PTH1R: variants seen among roughly 807,000 people sequenced by gnomAD.
PTH1R encodes parathyroid hormone 1 receptor.
A neutral mutation model predicts 70.7 loss-of-function variants in PTH1R; 32 were observed. The ratio of observed to expected loss-of-function variants is 0.45; its 90% CI spans 0.34 to 0.61. PTH1R has a LOEUF of 0.61. PTH1R is among the 20% of genes least tolerant of loss of function. PTH1R has a pLI of 0.01. For missense variants in PTH1R, 626 were observed against 792.5 expected (o/e 0.79, Z 2.52); for synonymous variants, 329 against 324.8 (o/e 1.01, Z -0.14).
chr3:46,887,007 G>T (rs568784805), intron 3 of PTH1R, among the ~76,000 whole-genome samples: 1 of 152,042 alleles, frequency 6.6e-6, no homozygotes, highest in Admixed American at 6.5e-5. Context: ...ACTTTGGGAG[G>T]CCGGGCAGAT....
chr3:46,888,917 A>T (rs2031213723), intron 3 of PTH1R, among the ~76,000 whole-genome samples: 1 of 148,410 alleles, frequency 6.7e-6, no homozygotes, highest in Non-Finnish European at 1.5e-5. Context: ...AGCCCCTCCC[A>T]GCCCCAAACA....
Position 46,903,336 on chromosome 3 carries a change from C to A in PTH1R, c.1462C>A (p.Arg488Ser). The A allele has an allele frequency of 6.2e-7, 1 of 1,613,718 alleles. No homozygotes were observed. Among genetic ancestry groups the A allele is most frequent in the Non-Finnish European group, 8.5e-7 (1 of 1,180,022 alleles). Residue 488 changes from arginine (R) to serine (S), a missense_variant, in exon 16 of 16, where the codon CGC becomes AGC. Around this residue, in one of 3 missense-constraint regions of PTH1R, gnomAD observed 495 missense variants for 638.7 expected, o/e 0.77. Transcript: ENST00000449590. The surrounding 1 kb of genome is among the most constrained non-coding windows in gnomAD (Gnocchi z 4.4). Reference sequence around the variant, plus strand: ...GGCACTGGACTTCAAGCGAAAGGCACGCAGCGGGAGCAGCAGCTATAGCTA... The same window carrying A: ...GGCACTGGACTTCAAGCGAAAGGCAAGCAGCGGGAGCAGCAGCTATAGCTA... Reference protein sequence around the residue: ...TLALDFKRKARSGSSSYSYGP... With the variant: ...TLALDFKRKASSGSSSYSYGP...
intron 4 of PTH1R, among the ~76,000 whole-genome samples, chr3:46,895,093 A>AAAC: frequency 2.4e-5 from 1 of 42,088 alleles, no homozygotes; most frequent in African/African-American, 4.7e-5. Flanking sequence ...ACAAACAAAC[A>AAAC]AAAAAAAAAA....
Position 46,903,265 on chromosome 3 carries a change from C to T in PTH1R, c.1396-5C>T. On this transcript the variant is annotated splice_polypyrimidine_tract_variant and splice_region_variant and intron_variant, in intron 15 of 15. Transcript: ENST00000449590. This position sits in a 1 kb window ranked among gnomAD's most constrained non-coding sequence, Gnocchi z 4.4. ...ACCTGACTGCCGCACCCTTACTGCC[C>T]CAAGGTACAAGCTGAGATCAAGAAA... 6.2e-7 allele frequency: 1 copy of T among 1,612,514 alleles called. No individual in the cohort carries two copies.
rs2030809966 is a variant in PTH1R, at chr3:46,883,607, C to T, written c.48C>T (p.Cys16=). The T allele has an allele frequency of 1.3e-6, 2 of 1,543,830 alleles. No homozygotes were observed. The highest frequency in any genetic ancestry group is 1.4e-5 in the African/African-American group (1 of 73,044). Residue 16 remains cysteine (C), a synonymous_variant, in exon 3 of 16, where the codon TGC becomes TGT. Transcript: ENST00000449590. This position sits in a 1 kb window ranked among gnomAD's most constrained non-coding sequence, Gnocchi z 6.4. ...IAPGLALLLC[C]PVLSSAYALV... is the part of the protein sequence containing the mutation. Reference sequence around the variant, plus strand: ...CCGGCCTGGCGCTCCTGCTCTGCTGCCCCGTGCTCAGCTCCGCGTACGCGC... The same window carrying T: ...CCGGCCTGGCGCTCCTGCTCTGCTGTCCCGTGCTCAGCTCCGCGTACGCGC...
Position 46,893,975 on chromosome 3 carries a change from C to G in PTH1R, c.144C>G (p.Cys48Trp), listed in dbSNP as rs568635759. The change falls in exon 4 of 16, where the codon TGC becomes TGG. Residue 48 changes from cysteine (C) to tryptophan (W), a missense_variant. By Grantham distance (215) the Cys-to-Trp change is radical. Around this residue, in one of 3 missense-constraint regions of PTH1R, gnomAD observed 123 missense variants for 125.7 expected, o/e 0.98. Transcript: ENST00000449590. The surrounding 1 kb of genome is among the most constrained non-coding windows in gnomAD (Gnocchi z 5.2). ...TGCTGCACCGTGCTCAGGCCCAGTG[C>G]GAAAAACGGCTCAAGGAGGTCCTGC... The part of the protein sequence containing the change: ...IFLLHRAQAQ[C>W]EKRLKEVLQR... The G allele has an allele frequency of 1.2e-6, 2 of 1,614,026 alleles. No homozygotes were observed. Among genetic ancestry groups the G allele is most frequent in the Non-Finnish European group, 1.7e-6 (2 of 1,179,998 alleles).
chr3:46,897,538 C>A (rs1024190189), intron 5 of PTH1R, among the ~76,000 whole-genome samples: 3 of 152,072 alleles, frequency 2.0e-5, no homozygotes, highest in Admixed American at 6.5e-5. Flanking sequence ...TTGAGACCAG[C>A]CTGACCAACA....
rs2031851691 is a variant in PTH1R, at chr3:46,897,960, A to T, written c.419A>T (p.His140Leu). 6.2e-7 allele frequency: 1 copy of T among 1,614,002 alleles called. No homozygotes were observed. Among genetic ancestry groups the T allele is most frequent in the Non-Finnish European group, 8.5e-7 (1 of 1,179,972 alleles). The change falls in exon 6 of 16, where the codon CAC becomes CTC. Residue 140 changes from histidine (H) to leucine (L), a missense_variant. Physicochemically the swap from His to Leu is moderately conservative, Grantham distance 99. Transcript: ENST00000449590. ...CCGGACTACATTTATGACTTCAATC[A>T]CAAAGGTGAGGCCTGCTGGAAGGGG... ...PCPDYIYDFN[H>L]KGHAYRRCDR...
chr3:46,890,008 C>T (rs1297599688), intron 3 of PTH1R, among the ~76,000 whole-genome samples: 4 of 152,128 alleles, frequency 2.6e-5, no homozygotes, highest in African/African-American at 9.7e-5. Context: ...CAGCATTTCC[C>T]CTTCATCCCC....
In PTH1R at chr3:46,902,935, C is replaced by T. The variant is rs540804468; in HGVS notation, c.1395+145C>T. 62 of 1,261,686 alleles carry T rather than the reference C, an allele frequency of 4.9e-5. No homozygotes were observed. The highest frequency in any genetic ancestry group is 3.0e-4 in the Admixed American group (17 of 56,136). The allele number at this position is 1,261,686 out of a possible 1,614,324, so 78.2% of individuals were successfully genotyped here. A position where few individuals can be genotyped will look rare whatever the true frequency, so the allele number is the denominator to read the frequency against. Reference sequence around the variant, plus strand: ...GAGGACATTCTGAAAGCAGAGAAGTCTTTCCAGATGATGCAGGTTCAGGAT... The same window carrying T: ...GAGGACATTCTGAAAGCAGAGAAGTTTTTCCAGATGATGCAGGTTCAGGAT... On this transcript the variant is annotated intron_variant, in intron 15 of 15. Coordinates refer to ENST00000449590, the MANE Select transcript of PTH1R (RefSeq NM_000316.3). The surrounding 1 kb of genome is among the most constrained non-coding windows in gnomAD (Gnocchi z 5.4).
rs920998440 is a variant in PTH1R at position 46,896,650 on chromosome 3, G to C, written c.313+781G>C. On this transcript the variant is annotated intron_variant, in intron 5 of 15. Coordinates refer to ENST00000449590, the MANE Select transcript of PTH1R (RefSeq NM_000316.3). This position sits in a 1 kb window ranked among gnomAD's most constrained non-coding sequence, Gnocchi z 4.1. ...AGAGAGCCTTTCACCAAGCCAGGGCGGGTCCAGCCATCAAGGCAGCCTTCC... is the reference window on the plus strand; with the variant it reads ...AGAGAGCCTTTCACCAAGCCAGGGCCGGTCCAGCCATCAAGGCAGCCTTCC... Among the ~76,000 whole-genome samples, 1 of 152,192 alleles carries C rather than the reference G, an allele frequency of 6.6e-6. No individual in the cohort carries two copies. The highest frequency in any genetic ancestry group is 1.5e-5 in the Non-Finnish European group (1 of 68,040).
chr3:46,886,351 A>G (rs2031019995), intron 3 of PTH1R, among the ~76,000 whole-genome samples: 1 of 152,046 alleles, frequency 6.6e-6, no homozygotes, highest in Non-Finnish European at 1.5e-5. Flanking sequence ...CAGCTTGGCC[A>G]TGTTGCTTGC....
chr3:46,901,095 G>T lies in PTH1R; in HGVS notation c.1049+10G>T. The T allele has an allele frequency of 6.4e-7, 1 of 1,571,260 alleles. No homozygotes were observed. The highest frequency in any genetic ancestry group is 8.6e-7 in the Non-Finnish European group (1 of 1,156,730). On this transcript the variant is annotated intron_variant, in intron 11 of 15. Coordinates refer to ENST00000449590, the MANE Select transcript of PTH1R (RefSeq NM_000316.3). This position sits in a 1 kb window ranked among gnomAD's most constrained non-coding sequence, Gnocchi z 7.3. ...CCCTGGCCAACACCGGGTAGGTCCA[G>T]GTGGAGAAGGGGCCCAGGCAAGAAG...
intron 1 of PTH1R, among the ~76,000 whole-genome samples, chr3:46,878,282 C>A (rs188397077): frequency 6.6e-6 from 1 of 152,224 alleles, no homozygotes; most frequent in Non-Finnish European, 1.5e-5. Context: ...AGTGGCACCT[C>A]GCTTCACTTA....
Position 46,894,792 on chromosome 3 carries a change from A to G in PTH1R, c.178+783A>G, listed in dbSNP as rs3792556. On this transcript the variant is annotated intron_variant, in intron 4 of 15. Coordinates refer to ENST00000449590, the MANE Select transcript of PTH1R (RefSeq NM_000316.3). ...CGACATGTAAGGACCAGGGGGGCCTAGCTTGGGCGGTGGCTGAAGGAATAC... is the reference window on the plus strand; with the variant it reads ...CGACATGTAAGGACCAGGGGGGCCTGGCTTGGGCGGTGGCTGAAGGAATAC... 3.0e-3 allele frequency among the ~76,000 whole-genome samples: 456 copies of G among 152,234 alleles called. 21 individuals carry two copies. The East Asian group carries it at 0.078, about 26-fold the overall frequency.
rs1390356156 is a variant in PTH1R, at chr3:46,891,115, A to G, written c.76-2792A>G. 6.6e-6 allele frequency among the ~76,000 whole-genome samples: 1 copy of G among 152,266 alleles called. No individual in the cohort carries two copies. The highest frequency in any genetic ancestry group is 2.4e-5 in the African/African-American group (1 of 41,472). ...GTTGCAATGGCTGTGCTAACAGATA[A>G]ATAGGTCCTAAAGTTCAGGGAGGCC... On this transcript the variant is annotated intron_variant, in intron 3 of 15. Transcript: ENST00000449590. This position sits in a 1 kb window ranked among gnomAD's most constrained non-coding sequence, Gnocchi z 4.3.
chr3:46,895,605 CA>C (rs1411452351), intron 4 of PTH1R, 129 bp from the exon 5 acceptor site: 2 of 1,410,410 alleles, frequency 1.4e-6, no homozygotes, highest in African/African-American at 1.4e-5. Flanking sequence ...GATCTCCCAA[CA>C]GCCTAGGTGT....
Position 46,903,425 on chromosome 3 carries a change from C to T in PTH1R, c.1551C>T (p.Pro517=). The change falls in exon 16 of 16, where the codon CCC becomes CCT. Residue 517 remains proline (P), a synonymous_variant. Coordinates refer to ENST00000449590, the MANE Select transcript of PTH1R (RefSeq NM_000316.3). The surrounding 1 kb of genome is among the most constrained non-coding windows in gnomAD (Gnocchi z 4.4). The part of the protein sequence containing the change: ...NVGPRVGLGL[P]LSPRLLPTAT... ...GCCCCCGTGTGGGACTCGGCCTGCC[C>T]CTCAGCCCCCGCCTACTGCCCACTG... 1 of 1,613,396 alleles carries T rather than the reference C, an allele frequency of 6.2e-7. No homozygotes were observed. The highest frequency in any genetic ancestry group is 2.2e-5 in the East Asian group (1 of 44,872).
At position 46,883,255 on chromosome 3, in the gene PTH1R, G is replaced by A; in HGVS notation, c.-48-257G>A. On this transcript the variant is annotated intron_variant, in intron 2 of 15. Transcript: ENST00000449590. The surrounding 1 kb of genome is among the most constrained non-coding windows in gnomAD (Gnocchi z 6.4). Reference sequence around the variant, plus strand: ...CATATGGATGTGATTTCTTCGCTCCGAGGCAGACGGGCCGCTCCGCAGCGC... The same window carrying A: ...CATATGGATGTGATTTCTTCGCTCCAAGGCAGACGGGCCGCTCCGCAGCGC... 1 of 253,656 alleles carries A rather than the reference G, an allele frequency of 3.9e-6. No homozygotes were observed. The highest frequency in any genetic ancestry group is 7.4e-6 in the Non-Finnish European group (1 of 134,450). The allele number at this position is 253,656 out of a possible 1,614,324, so 15.7% of individuals were successfully genotyped here.
Sources: allele counts gnomAD v4.1 joint callset (sites outside exome capture counted in the v4.1 genomes callset), GRCh38; gene constraint gnomAD v4.1.1; regional missense constraint gnomAD v4.1.1; non-coding constraint Gnocchi (gnomAD v3.1); transcripts MANE v1.5; gene names NCBI Gene and HGNC (gene_info 2026-07-23, HGNC 2026-07-21).